Variants in THSD7B observed in about 807,000 individuals in gnomAD.
THSD7B encodes the protein thrombospondin type 1 domain containing 7B, also known as thrombospondin type-1 domain-containing protein 7B.
In THSD7B, 138 loss-of-function variants were observed where a neutral mutation model predicts 213.6. The ratio of observed to expected loss-of-function variants is 0.65; its 90% confidence interval spans 0.56 to 0.74. The LOEUF (loss-of-function observed/expected upper bound fraction) is 0.74. THSD7B is among the 30% of genes least tolerant of loss of function. The pLI, the probability that THSD7B is intolerant of heterozygous loss-of-function variation, is 0.00. For missense variants in THSD7B, 1,931 were observed against 1,991.5 expected, an observed-to-expected ratio of 0.97 and a Z score of 0.58; for synonymous variants, 742 against 687.0, an observed-to-expected ratio of 1.08 and a Z score of -1.25.
chr2:137,237,269 T>C (rs1659520954), intron 9 of THSD7B, among the ~76,000 whole-genome samples: 1 of 152,196 alleles, frequency 6.6e-6, no homozygotes, highest in South Asian at 2.1e-4. Context: ...GAGTATTACA[T>C]GAAAGCAGGA....
At chr2:137,438,497 G>T (rs1258788425) in intron 14 of THSD7B, among the ~76,000 whole-genome samples, 3 of 152,078 alleles carry the variant, frequency 2.0e-5, no homozygotes, top group Non-Finnish European at 4.4e-5. Flanking sequence ...ACCTCTGCTT[G>T]TTGCGGTGTG....
chr2:137,063,566 T>A (rs1687319268), intron 3 of THSD7B, among the ~76,000 whole-genome samples: 2 of 152,042 alleles, frequency 1.3e-5, no homozygotes, highest in Non-Finnish European at 2.9e-5. Flanking sequence ...AAATGCACAA[T>A]TAAATTATTT....
chr2:137,468,160 GA>G (rs777933379), intron 15 of THSD7B, among the ~76,000 whole-genome samples: 15 of 152,146 alleles, frequency 9.9e-5, no homozygotes, highest in Non-Finnish European at 2.1e-4. Context: ...CTGGCAGGGA[GA>G]AGTAGAGCTG....
At chr2:137,667,243 C>G (rs1683467739) in intron 26 of THSD7B, among the ~76,000 whole-genome samples, 2 of 152,120 alleles carry the variant, frequency 1.3e-5, no homozygotes, top group Admixed American at 1.3e-4. Flanking sequence ...ATTTGATTGA[C>G]TATCTTACAT....
chr2:137,619,661 T>C (rs1682477531), intron 19 of THSD7B, among the ~76,000 whole-genome samples: 1 of 152,242 alleles, frequency 6.6e-6, no homozygotes, highest in Non-Finnish European at 1.5e-5. Context: ...TTTCTTTTGA[T>C]ACAAAAAGAT....
At chr2:137,133,636 T>C (rs1171258594) in intron 5 of THSD7B, among the ~76,000 whole-genome samples, 5 of 152,172 alleles carry the variant, frequency 3.3e-5, no homozygotes. Flanking sequence ...CAGAAATTCA[T>C]TGTGAGTTAC....
chr2:137,127,386 C>A (rs1234238383), intron 5 of THSD7B, among the ~76,000 whole-genome samples: 4 of 152,122 alleles, frequency 2.6e-5, no homozygotes, highest in African/African-American at 9.7e-5. Context: ...TTGCTGATAA[C>A]ACACTGCATA....
chr2:136,786,349 C>T (rs1347220717), intron 1 of THSD7B, among the ~76,000 whole-genome samples: 1 of 152,130 alleles, frequency 6.6e-6, no homozygotes, highest in Non-Finnish European at 1.5e-5. Flanking sequence ...AAATGTCTTT[C>T]ACTGCTGCTT....
intron 14 of THSD7B, among the ~76,000 whole-genome samples, chr2:137,447,381 G>T (rs1405033885): frequency 6.6e-6 from 1 of 152,134 alleles, no homozygotes; most frequent in Admixed American, 6.5e-5. Context: ...TGGAATTTCA[G>T]ATTTGCATAT....
chr2:137,056,169 C>A (rs936454540), intron 2 of THSD7B, among the ~76,000 whole-genome samples: 1 of 152,010 alleles, frequency 6.6e-6, no homozygotes, highest in Non-Finnish European at 1.5e-5. Context: ...TATCTTCTAC[C>A]TTATATAGGT....
chr2:137,085,765 A>G (rs1272611908), intron 3 of THSD7B, among the ~76,000 whole-genome samples: 1 of 152,224 alleles, frequency 6.6e-6, no homozygotes, highest in African/African-American at 2.4e-5. Flanking sequence ...ATATGCGAGC[A>G]TAGATTTATA....
chr2:137,552,736 T>G (rs1405921274), intron 15 of THSD7B, among the ~76,000 whole-genome samples: 1 of 152,218 alleles, frequency 6.6e-6, no homozygotes, highest in Non-Finnish European at 1.5e-5. Context: ...GAAGCACAAC[T>G]TCTTTGTGTA....
At chr2:137,113,536 A>G (rs1266613761) in intron 4 of THSD7B, among the ~76,000 whole-genome samples, 3 of 152,044 alleles carry the variant, frequency 2.0e-5, no homozygotes, top group Non-Finnish European at 2.9e-5. Flanking sequence ...TCCTGGGTTC[A>G]AGTGATTCTC....
chr2:137,140,877 AAAT>A (rs1317800320), intron 5 of THSD7B, among the ~76,000 whole-genome samples: 3 of 152,198 alleles, frequency 2.0e-5, no homozygotes, highest in Non-Finnish European at 4.4e-5. Context: ...CTTAGAGAGT[AAAT>A]AATAATAAAC....
At chr2:137,086,744 A>C (rs1435201978) in intron 3 of THSD7B, among the ~76,000 whole-genome samples, 1 of 152,220 alleles carries the variant, frequency 6.6e-6, no homozygotes, top group Non-Finnish European at 1.5e-5. Context: ...GAGGAACATA[A>C]AGCTCATGGT....
At chr2:137,175,465 G>GT (rs1680341665) in intron 7 of THSD7B, among the ~76,000 whole-genome samples, 1 of 152,022 alleles carries the variant, frequency 6.6e-6, no homozygotes, top group African/African-American at 2.4e-5. Context: ...TGCATACAAG[G>GT]TTTTTTTATT....
At chr2:137,141,482 GCACA>G (rs1558936066) in intron 5 of THSD7B, among the ~76,000 whole-genome samples, 2 of 79,124 alleles carry the variant, frequency 2.5e-5, no homozygotes, top group Admixed American at 1.4e-4. Flanking sequence ...ACACATGTGT[GCACA>G]CACACACTCA....
At chr2:137,469,550 T>C (rs1688053758) in intron 15 of THSD7B, among the ~76,000 whole-genome samples, 1 of 152,190 alleles carries the variant, frequency 6.6e-6, no homozygotes, top group Non-Finnish European at 1.5e-5. Flanking sequence ...ATTGCTGTGC[T>C]TAAATACAAT....
At chr2:137,650,432 A>G (rs72844569) in intron 21 of THSD7B, among the ~76,000 whole-genome samples, 18,434 of 152,172 alleles carry the variant, frequency 0.12, 1,175 homozygotes, top group Middle Eastern at 0.17. Flanking sequence ...TGTTGATTTT[A>G]TGTCTTGCAA....
Sources: allele counts gnomAD v4.1 joint callset (sites outside exome capture counted in the v4.1 genomes callset), GRCh38; gene constraint gnomAD v4.1.1; transcripts MANE v1.5; gene names NCBI Gene and HGNC (gene_info 2026-07-23, HGNC 2026-07-21).